TNFRSF8: variants seen among roughly 807,000 people sequenced by gnomAD.
TNFRSF8 encodes the protein TNF receptor superfamily member 8.
A neutral mutation model predicts 70.8 loss-of-function variants in TNFRSF8; 26 were observed. The observed-to-expected ratio is 0.37, with a 90% confidence interval of 0.27 to 0.51. The LOEUF (loss-of-function observed/expected upper bound fraction) is 0.51. Among genes scored for constraint, TNFRSF8 ranks in the 20% least tolerant of loss-of-function variants. The pLI is 0.94. For missense variants in TNFRSF8, 720 were observed against 807.9 expected (o/e 0.89, Z 1.32); for synonymous variants, 356 against 339.2 (o/e 1.05, Z -0.54).
chr1:12,096,484 A>G (rs974410816), intron 2 of TNFRSF8, among the ~76,000 whole-genome samples: 9 of 151,562 alleles, frequency 5.9e-5, no homozygotes, highest in African/African-American at 2.2e-4. Flanking sequence ...AAGAAAGTTT[A>G]TGAGTTTGCG....
At chr1:12,100,095 G>C (rs997980563) in intron 3 of TNFRSF8, among the ~76,000 whole-genome samples, 1 of 152,112 alleles carries the variant, frequency 6.6e-6, no homozygotes, top group Non-Finnish European at 1.5e-5. Flanking sequence ...CTTGAACCTG[G>C]GAGGCGGAGG....
intron 1 of TNFRSF8, among the ~76,000 whole-genome samples, chr1:12,067,521 T>C (rs1449062798): frequency 1.3e-5 from 2 of 152,068 alleles, no homozygotes; most frequent in Non-Finnish European, 2.9e-5. Context: ...AGACCCTGTC[T>C]CTACTAAAAA....
At position 12,109,615 on chromosome 1, in the gene TNFRSF8, C is replaced by T; in HGVS notation, c.471C>T (p.Ser157=). 2.5e-6 allele frequency: 4 copies of T among 1,613,808 alleles called. No individual in the cohort carries two copies. The highest frequency in any genetic ancestry group is 3.4e-6 in the Non-Finnish European group (4 of 1,179,958). The change falls in exon 5 of 15, where the codon AGC becomes AGT. Residue 157 remains serine, a synonymous_variant. Coordinates refer to ENST00000263932, the MANE Select transcript of TNFRSF8 (RefSeq NM_001243.5). The surrounding 1 kb of genome is among the most constrained non-coding windows in gnomAD (Gnocchi z 4.4). ...TVCEPASPGV[S]PACASPENCK... ...GTGAGCCGGCTTCCCCAGGGGTCAG[C>T]CCTGCCTGTGCCAGCCCAGAGAACT...
At position 12,063,555 on chromosome 1, in the gene TNFRSF8, A is replaced by G; in HGVS notation, c.-44A>G. 1 of 1,298,922 alleles carries G rather than the reference A, an allele frequency of 7.7e-7. No individual in the cohort carries two copies. The allele number at this position is 1,298,922 out of a possible 1,614,324, so 80.5% of individuals were successfully genotyped here. A position where few individuals can be genotyped will look rare whatever the true frequency, so the allele number is the denominator to read the frequency against. On this transcript the variant is annotated 5_prime_UTR_variant, in exon 1 of 15. Transcript: ENST00000263932. The surrounding 1 kb of genome is among the most constrained non-coding windows in gnomAD (Gnocchi z 7.2). ...GCGCCGCGCGCTTCCCCCGCTTCCCAGGTGGGCGCCGGCCGCCAGGCCACC... is the reference window on the plus strand; with the variant it reads ...GCGCCGCGCGCTTCCCCCGCTTCCCGGGTGGGCGCCGGCCGCCAGGCCACC...
intron 13 of TNFRSF8, among the ~76,000 whole-genome samples, chr1:12,137,558 G>T (rs200261314): frequency 0.086 from 11,654 of 134,856 alleles, 490 homozygotes; most frequent in South Asian, 0.21. Context: ...GTTTTTTTTT[G>T]TTTTTTTTTT....
At chr1:12,139,143 T>C (rs1642209977) in intron 14 of TNFRSF8, among the ~76,000 whole-genome samples, 2 of 152,178 alleles carry the variant, frequency 1.3e-5, no homozygotes, top group Admixed American at 1.3e-4. Context: ...CCCCAAAATG[T>C]ATACCTGACC....
intron 2 of TNFRSF8, among the ~76,000 whole-genome samples, chr1:12,086,362 T>C (rs1333465246): frequency 6.6e-6 from 1 of 152,196 alleles, no homozygotes; most frequent in Admixed American, 6.5e-5. Context: ...TGGACTTTCT[T>C]GCTTTTATTT....
chr1:12,131,893 C>T (rs1453116806), intron 12 of TNFRSF8, among the ~76,000 whole-genome samples: 1 of 151,842 alleles, frequency 6.6e-6, no homozygotes, highest in Admixed American at 6.6e-5. Context: ...TCCCGGGTTC[C>T]AGCAATTCTC....
intron 2 of TNFRSF8, among the ~76,000 whole-genome samples, chr1:12,096,839 T>C (rs917605476): frequency 1.2e-4 from 18 of 152,190 alleles, no homozygotes; most frequent in Admixed American, 2.0e-4. Flanking sequence ...ATCACGCAAT[T>C]GGCAAATGGC....
At chr1:12,086,959 G>T (rs1467007186) in intron 2 of TNFRSF8, among the ~76,000 whole-genome samples, 6 of 151,760 alleles carry the variant, frequency 4.0e-5, no homozygotes, top group African/African-American at 1.5e-4. Flanking sequence ...CTTTGTGGGG[G>T]ACACAATTCA....
intron 4 of TNFRSF8, among the ~76,000 whole-genome samples, chr1:12,107,837 C>T (rs1284045231): frequency 6.6e-6 from 1 of 152,170 alleles, no homozygotes; most frequent in East Asian, 1.9e-4. Flanking sequence ...AGAGCCTTCA[C>T]TGGCTGTCTC....
intron 13 of TNFRSF8, among the ~76,000 whole-genome samples, chr1:12,136,724 G>T (rs555362125): frequency 6.6e-6 from 1 of 151,742 alleles, no homozygotes; most frequent in Non-Finnish European, 1.5e-5. Flanking sequence ...ATGTATTAAG[G>T]TTGGTGCCAT....
chr1:12,109,984 A>G lies in TNFRSF8; in HGVS notation c.513-57A>G, dbSNP rs561055164. 5 of 1,579,092 alleles carry G rather than the reference A, an allele frequency of 3.2e-6. No homozygotes were observed. The highest frequency in any genetic ancestry group is 1.8e-5 in the Admixed American group (1 of 56,814). ...TGTGGAAACTGTTACTCGTGAGCAC[A>G]GGCCTCCCTTGCCCCATTGGCAGAA... On this transcript the variant is annotated intron_variant, in intron 5 of 14. Transcript: ENST00000263932. This position sits in a 1 kb window ranked among gnomAD's most constrained non-coding sequence, Gnocchi z 4.4.
intron 3 of TNFRSF8, among the ~76,000 whole-genome samples, chr1:12,100,542 A>C (rs942403071): frequency 4.6e-5 from 7 of 152,086 alleles, no homozygotes; most frequent in Non-Finnish European, 2.9e-5. Context: ...TTTCTACTTT[A>C]AAATTTTATT....
At chr1:12,085,129 A>T (rs1469012750) in intron 2 of TNFRSF8, among the ~76,000 whole-genome samples, 2 of 151,592 alleles carry the variant, frequency 1.3e-5, no homozygotes, top group African/African-American at 2.4e-5. Flanking sequence ...ATTTTTTTTG[A>T]GATGGAGTTT....
chr1:12,080,009 C>T (rs1431822633), intron 1 of TNFRSF8, among the ~76,000 whole-genome samples: 5 of 148,312 alleles, frequency 3.4e-5, no homozygotes, highest in Non-Finnish European at 5.9e-5. Context: ...AGTGCAATGG[C>T]GTGATCTCGG....
rs1641787987 is a variant in TNFRSF8 at position 12,119,247 on chromosome 1, C to T, written c.946+3518C>T. On this transcript the variant is annotated intron_variant, in intron 8 of 14. Transcript: ENST00000263932. The surrounding 1 kb of genome is among the most constrained non-coding windows in gnomAD (Gnocchi z 4.4). ...AATGCAGACATTGGCACGTGCCAGG[C>T]CTCATGTCTGCAAAAGTGTCCTGAC... Among the ~76,000 whole-genome samples, 1 of 152,184 alleles carries T rather than the reference C, an allele frequency of 6.6e-6. No homozygotes were observed. Among genetic ancestry groups the T allele is most frequent in the African/African-American group, 2.4e-5 (1 of 41,440 alleles).
intron 13 of TNFRSF8, among the ~76,000 whole-genome samples, chr1:12,135,952 C>G (rs1642137879): frequency 6.6e-6 from 1 of 152,208 alleles, no homozygotes; most frequent in Non-Finnish European, 1.5e-5. Context: ...GTTTGGGCCA[C>G]TTTTGGGTAC....
chr1:12,133,131 G>T (rs1364553079), intron 12 of TNFRSF8, among the ~76,000 whole-genome samples: 1 of 152,042 alleles, frequency 6.6e-6, no homozygotes, highest in Non-Finnish European at 1.5e-5. Flanking sequence ...TTTTCTTTCG[G>T]GTTATTTCCT....
Sources: gnomAD v4.1 joint callset for allele counts (sites outside exome capture counted in the v4.1 genomes callset) on GRCh38, gnomAD v4.1.1 for gene constraint, Gnocchi (gnomAD v3.1) non-coding constraint, MANE v1.5 for transcripts, NCBI Gene and HGNC (gene_info 2026-07-23, HGNC 2026-07-21) for gene names.